Variants in PAIP1 observed in about 807,000 individuals in gnomAD.
PAIP1 encodes the protein polyadenylate-binding protein-interacting protein 1.
In PAIP1, 16 loss-of-function variants were observed where a neutral mutation model predicts 61.3. The observed-to-expected ratio is 0.26, with a 90% CI of 0.18 to 0.40. The LOEUF (loss-of-function observed/expected upper bound fraction) is 0.40. Among genes scored for constraint, PAIP1 ranks in the 10% least tolerant of loss-of-function variants. PAIP1 has a pLI of 1.00. For synonymous variants in PAIP1, 187 were observed against 226.2 expected (o/e 0.83, Z 1.56); for missense variants, 416 against 600.9 (o/e 0.69, Z 3.22).
intron 6 of PAIP1, among the ~76,000 whole-genome samples, 185 bp downstream of exon 6, chr5:43,536,634 G>C (rs546449125): frequency 6.6e-6 from 1 of 152,202 alleles, no homozygotes; most frequent in East Asian, 1.9e-4. Context: ...TTTCACTTCT[G>C]AACTTGCTTC....
chr5:43,528,010 C>A (rs1746775147), intron 10 of PAIP1, among the ~76,000 whole-genome samples: 1 of 152,100 alleles, frequency 6.6e-6, no homozygotes, highest in Non-Finnish European at 1.5e-5. Context: ...CTTTTGAGAT[C>A]ATCTATTCCA....
chr5:43,541,578 C>G (rs1038046788), intron 4 of PAIP1, among the ~76,000 whole-genome samples: 3 of 150,328 alleles, frequency 2.0e-5, no homozygotes, highest in Non-Finnish European at 3.0e-5. Context: ...TCCTTTTTAT[C>G]AAAAGCTTGA....
At chr5:43,530,017 C>T (rs1746875684) in intron 9 of PAIP1, 138 bp from the exon 10 acceptor site, 1 of 602,112 alleles carries the variant, frequency 1.7e-6, no homozygotes, top group Non-Finnish European at 2.9e-6. Context: ...ACATATAGTA[C>T]TATAGATATA....
rs189360387 is a variant in PAIP1, at chr5:43,553,512, A to G, written c.435+2318T>C. 6.2e-4 allele frequency among the ~76,000 whole-genome samples: 95 copies of G among 152,302 alleles called. 1 individual carries two copies. Among genetic ancestry groups the G allele is most frequent in the Middle Eastern group, 3.4e-3 (1 of 294 alleles). ...CTGTATCACCGGTGCTTGACTCATG[A>G]TAAGTACTTGACTATTTGTTGAATG... On this transcript the variant is annotated intron_variant, in intron 2 of 10. Transcript: ENST00000306846.
At chr5:43,539,117 T>C (rs1485153333) in intron 4 of PAIP1, 82 bp from the exon 5 acceptor site, 37 of 885,098 alleles carry the variant, frequency 4.2e-5, no homozygotes, top group East Asian at 3.9e-4. Context: ...GTCAGTTTGG[T>C]TGTCCACAGC....
rs979914657 is a variant in PAIP1 at position 43,543,710 on chromosome 5, AAAGT to A, written c.622-598_622-595del. ...AGCTACTTAAAAACAGAAAAAAAAA[AAAGT>A]AAGAAAACACTACACATCAAAGATT... On this transcript the variant is annotated intron_variant, in intron 3 of 10. Coordinates refer to ENST00000306846, the MANE Select transcript of PAIP1 (RefSeq NM_006451.5). Among the ~76,000 whole-genome samples, 15 of 152,352 alleles carry A rather than the reference AAAGT, an allele frequency of 9.8e-5. No homozygotes were observed. The South Asian group carries it at 2.3e-3, about 23-fold the overall frequency.
At chr5:43,557,189 T>G, upstream of PAIP1, 25 of 197,786 alleles carry the variant, frequency 1.3e-4, no homozygotes, top group Middle Eastern at 1.8e-3. Context: ...GATCCTCCAG[T>G]TCGCGGCTGG....
intron 4 of PAIP1, among the ~76,000 whole-genome samples, chr5:43,540,930 G>A (rs1016153691): frequency 2.0e-5 from 3 of 152,022 alleles, no homozygotes; most frequent in Admixed American, 6.6e-5. Context: ...GGCACAGCCG[G>A]GGGTGAGAAG....
At chr5:43,552,334 T>C (rs1747897778) in intron 2 of PAIP1, among the ~76,000 whole-genome samples, 2 of 152,254 alleles carry the variant, frequency 1.3e-5, no homozygotes, top group South Asian at 2.1e-4. Context: ...ATAGATTTTA[T>C]ACTTGCATTT....
chr5:43,533,849 G>T, intron 8 of PAIP1, 57 bp from the exon 9 acceptor site: 1 of 1,028,726 alleles, frequency 9.7e-7, no homozygotes, highest in Non-Finnish European at 1.5e-6. Context: ...ATTTTTGTAA[G>T]TACAATAATG....
intron 9 of PAIP1, among the ~76,000 whole-genome samples, chr5:43,532,488 T>C (rs912678720): frequency 6.6e-6 from 1 of 152,160 alleles, no homozygotes; most frequent in Non-Finnish European, 1.5e-5. Flanking sequence ...ATTCCTATGA[T>C]ATCATCCTAT....
chr5:43,535,313 T>C (rs1008227664), intron 7 of PAIP1, among the ~76,000 whole-genome samples: 4 of 152,220 alleles, frequency 2.6e-5, no homozygotes, highest in African/African-American at 9.6e-5. Context: ...GCTTTTTCAA[T>C]TTCTAAATGT....
intron 2 of PAIP1, among the ~76,000 whole-genome samples, chr5:43,553,798 A>C (rs1747958060): frequency 6.6e-6 from 1 of 152,220 alleles, no homozygotes; most frequent in African/African-American, 2.4e-5. Flanking sequence ...GCCAGAAAGC[A>C]AATTAGAGCT....
chr5:43,549,051 G>A (rs1004311542), intron 2 of PAIP1, among the ~76,000 whole-genome samples: 7 of 152,014 alleles, frequency 4.6e-5, no homozygotes, highest in Non-Finnish European at 8.8e-5. Flanking sequence ...AGCTATTCCT[G>A]TACCTCAGCC....
Position 43,555,843 on chromosome 5 carries a change from G to A in PAIP1, c.422C>T (p.Ser141Phe), listed in dbSNP as rs768894743. 2 of 1,610,810 alleles carry A rather than the reference G, an allele frequency of 1.2e-6. No homozygotes were observed. Among genetic ancestry groups the A allele is most frequent in the Non-Finnish European group, 1.7e-6 (2 of 1,179,014 alleles). Residue 141 changes from serine to phenylalanine, a missense_variant, in exon 2 of 11, where the codon TCT (serine) becomes TTT (phenylalanine). By Grantham distance (155) the Ser-to-Phe change is radical. This residue lies in a region of PAIP1 where 180 missense variants were observed against 211.2 expected (regional missense o/e 0.85). Coordinates refer to ENST00000306846, the MANE Select transcript of PAIP1 (RefSeq NM_006451.5). ...GGGTGTACTTACTGTGTAACTGGAA[G>A]AATAACCTGAAGGGTAAAATTCAGG... is the stretch of plus-strand genomic sequence containing the variant. ...NAPEFYPSGY[S>F]SSYTESYEDG...
intron 3 of PAIP1, among the ~76,000 whole-genome samples, chr5:43,546,486 C>G (rs1360436147): frequency 6.6e-6 from 1 of 152,186 alleles, no homozygotes; most frequent in Non-Finnish European, 1.5e-5. Flanking sequence ...TGACAGTTGG[C>G]TAGGTAATCT....
chr5:43,554,276 G>C (rs1415176470), intron 2 of PAIP1, among the ~76,000 whole-genome samples: 1 of 152,128 alleles, frequency 6.6e-6, no homozygotes, highest in African/African-American at 2.4e-5. Flanking sequence ...AAATAAATGG[G>C]AACCTGCTTG....
intron 9 of PAIP1, among the ~76,000 whole-genome samples, chr5:43,531,646 G>A: frequency 2.1e-5 from 1 of 48,462 alleles, no homozygotes; most frequent in Non-Finnish European, 5.3e-5. Context: ...AACAGAGTGA[G>A]ACTCTGTCTC....
intron 10 of PAIP1, among the ~76,000 whole-genome samples, chr5:43,528,568 T>C (rs1746797590): frequency 6.6e-6 from 1 of 152,178 alleles, no homozygotes; most frequent in Non-Finnish European, 1.5e-5. Flanking sequence ...GATGGAACTT[T>C]CCTAGTTCTG....
Sources: gnomAD v4.1 joint callset for allele counts (sites outside exome capture counted in the v4.1 genomes callset) on GRCh38, gnomAD v4.1.1 for gene constraint, gnomAD v4.1.1 regional missense constraint, MANE v1.5 for transcripts, NCBI Gene and HGNC (gene_info 2026-07-23, HGNC 2026-07-21) for gene names.